Variants in MTX2 observed in about 807,000 individuals in gnomAD.
MTX2 encodes the protein metaxin-2.
Under a neutral mutation model 42.3 loss-of-function variants are expected in MTX2, and 35 were observed. That is an observed-to-expected ratio of 0.83 (90% CI 0.63 to 1.10). MTX2 has a LOEUF of 1.10. MTX2 is among the 50% of genes least tolerant of loss of function. MTX2 has a pLI of 0.00. For synonymous variants in MTX2, 119 were observed against 100.9 expected, an observed-to-expected ratio of 1.18 and a Z score of -1.08; for missense variants, 307 against 304.1, an observed-to-expected ratio of 1.01 and a Z score of -0.07.
rs745746522 is a variant in MTX2, at chr2:176,328,306, G to A, written c.299G>A (p.Ser100Asn). 3.2e-6 allele frequency: 5 copies of A among 1,573,622 alleles called. No individual in the cohort carries two copies. The highest frequency in any genetic ancestry group is 4.3e-6 in the Non-Finnish European group (5 of 1,162,408). Residue 100 changes from serine (S) to asparagine (N), a missense_variant, in exon 6 of 10, where the codon AGT becomes AAT. Physicochemically the swap from Ser to Asn is conservative, Grantham distance 46. Transcript: ENST00000249442. ...AATTCCCTTTAGGGCCATTCTCTTA[G>A]TGATGGGCTGGAGGAAGTCCAAAAA... ...QFVKAKGHSL[S>N]DGLEEVQKAE...
intron 1 of MTX2, among the ~76,000 whole-genome samples, chr2:176,281,197 AAGAT>A (rs1370779417): frequency 6.6e-6 from 1 of 152,104 alleles, no homozygotes; most frequent in East Asian, 1.9e-4. Context: ...GTCTTTTTCT[AAGAT>A]AGGGTTACTT....
chr2:176,279,692 CTATT>C (rs1693033943), intron 1 of MTX2, among the ~76,000 whole-genome samples: 1 of 152,170 alleles, frequency 6.6e-6, no homozygotes, highest in South Asian at 2.1e-4. Flanking sequence ...ATAATGTTAA[CTATT>C]TAAGTGATAA....
At chr2:176,331,894 C>T (rs1377112058) in intron 9 of MTX2, among the ~76,000 whole-genome samples, 1 of 151,216 alleles carries the variant, frequency 6.6e-6, no homozygotes, top group African/African-American at 2.4e-5. Context: ...TTGTTATGCA[C>T]ACTGTCTTTA....
intron 1 of MTX2, among the ~76,000 whole-genome samples, chr2:176,272,609 A>G (rs1212718817): frequency 1.3e-5 from 2 of 152,218 alleles, no homozygotes; most frequent in Admixed American, 6.5e-5. Flanking sequence ...ATGAAGAAGT[A>G]TATCTGTTAA....
chr2:176,331,171 G>T (rs2105447010), intron 9 of MTX2, among the ~76,000 whole-genome samples: 1 of 151,100 alleles, frequency 6.6e-6, no homozygotes, highest in South Asian at 2.1e-4. Flanking sequence ...TTAATATAAA[G>T]GATATAGGTT....
intron 1 of MTX2, among the ~76,000 whole-genome samples, chr2:176,291,433 G>A (rs1479212194): frequency 2.0e-5 from 3 of 152,106 alleles, no homozygotes; most frequent in Non-Finnish European, 4.4e-5. Flanking sequence ...GGATGAAATG[G>A]TAAGCAAAAA....
At chr2:176,293,827 A>G (rs892360439) in intron 1 of MTX2, among the ~76,000 whole-genome samples, 2 of 152,166 alleles carry the variant, frequency 1.3e-5, no homozygotes, top group East Asian at 1.9e-4. Flanking sequence ...CACTTAAGTC[A>G]GTGATATTTA....
chr2:176,310,798 C>G (rs977108961), intron 3 of MTX2, among the ~76,000 whole-genome samples: 3 of 152,188 alleles, frequency 2.0e-5, no homozygotes, highest in Non-Finnish European at 4.4e-5. Context: ...AGCCATTCGT[C>G]TAACCTTTTT....
At chr2:176,275,514 C>T (rs940379169) in intron 1 of MTX2, among the ~76,000 whole-genome samples, 9 of 152,106 alleles carry the variant, frequency 5.9e-5, no homozygotes, top group Non-Finnish European at 1.0e-4. Flanking sequence ...GCTGAGATTA[C>T]AGGTGTGAGC....
chr2:176,269,452 A>C lies in MTX2; in HGVS notation c.-178A>C, dbSNP rs1019439875. On this transcript the variant is annotated 5_prime_UTR_variant, in exon 1 of 10. Coordinates refer to ENST00000249442, the MANE Select transcript of MTX2 (RefSeq NM_006554.5). ...TCGGCTGCGCCGGAAGTCCCTAGCCAGGCCTGGCGGTAACCTTGGGGGCCT... is the reference window on the plus strand; with the variant it reads ...TCGGCTGCGCCGGAAGTCCCTAGCCCGGCCTGGCGGTAACCTTGGGGGCCT... The C allele has an allele frequency of 1.4e-5, 9 of 638,596 alleles. No homozygotes were observed. Among genetic ancestry groups the C allele is most frequent in the Non-Finnish European group, 2.2e-5 (9 of 404,544 alleles). The allele number at this position is 638,596 out of a possible 1,614,324, so 39.6% of individuals were successfully genotyped here.
intron 3 of MTX2, among the ~76,000 whole-genome samples, chr2:176,322,620 A>G (rs1367527195): frequency 6.6e-6 from 1 of 152,008 alleles, no homozygotes; most frequent in Non-Finnish European, 1.5e-5. Context: ...GGCAGAGTTC[A>G]CTGGTGTCTT....
intron 1 of MTX2, chr2:176,270,160 C>T (rs1473690369): frequency 3.0e-6 from 1 of 332,946 alleles, no homozygotes; most frequent in South Asian, 2.6e-5. Flanking sequence ...TGCTAAGACT[C>T]TAGGAGTTAT....
Position 176,313,707 on chromosome 2 carries a change from T to C in MTX2, c.136-9685T>C, listed in dbSNP as rs573501259. Among the ~76,000 whole-genome samples, 11 of 152,220 alleles carry C rather than the reference T, an allele frequency of 7.2e-5. No individual in the cohort carries two copies. In the East Asian group the frequency reaches 1.9e-3, roughly 27 times the overall value. On this transcript the variant is annotated intron_variant, in intron 3 of 9. Transcript: ENST00000249442. The stretch of plus-strand genomic sequence containing the variant: ...TGCACCTGGCCTTATTGTTCTATAC[T>C]GATTCTTAAGACTGATGCAGAGGAT...
At position 176,335,323 on chromosome 2, in the gene MTX2, T is replaced by C. The variant is rs148842745; in HGVS notation, c.621-2170T>C. 2.0e-3 allele frequency among the ~76,000 whole-genome samples: 302 copies of C among 152,132 alleles called. 2 individuals carry two copies. Among genetic ancestry groups the C allele is most frequent in the African/African-American group, 7.1e-3 (294 of 41,520 alleles). ...AGTTTGGGTTGTATGCTATGAATGG[T>C]AGGATATGAGGCTAAAGAGGCAGGC... On this transcript the variant is annotated intron_variant, in intron 9 of 9. Transcript: ENST00000249442.
intron 1 of MTX2, among the ~76,000 whole-genome samples, chr2:176,287,892 GA>G (rs1331704488): frequency 7.9e-5 from 11 of 138,802 alleles, no homozygotes; most frequent in African/African-American, 3.1e-4. Context: ...ATGCAATACT[GA>G]CTGCTTTTTT....
At chr2:176,311,352 G>A (rs368960256) in intron 3 of MTX2, among the ~76,000 whole-genome samples, 5 of 152,170 alleles carry the variant, frequency 3.3e-5, no homozygotes, top group Admixed American at 2.0e-4. Flanking sequence ...TAGGCTACAC[G>A]GGGGTCAGGG....
chr2:176,305,787 C>T (rs534767046), intron 3 of MTX2, among the ~76,000 whole-genome samples: 1 of 152,148 alleles, frequency 6.6e-6, no homozygotes, highest in African/African-American at 2.4e-5. Context: ...TAAGGAAGGT[C>T]AGTCTATGAA....
intron 3 of MTX2, among the ~76,000 whole-genome samples, chr2:176,318,298 C>T (rs1490157546): frequency 6.6e-6 from 1 of 151,834 alleles, no homozygotes; most frequent in African/African-American, 2.4e-5. Context: ...TGATACCTTA[C>T]CCCTTCAAGT....
chr2:176,321,499 A>G (rs1684581848), intron 3 of MTX2, among the ~76,000 whole-genome samples: 1 of 152,108 alleles, frequency 6.6e-6, no homozygotes, highest in African/African-American at 2.4e-5. Context: ...AAGGTAGTTC[A>G]CTTCTCGGAC....
Sources: allele counts gnomAD v4.1 joint callset (sites outside exome capture counted in the v4.1 genomes callset), GRCh38; gene constraint gnomAD v4.1.1; transcripts MANE v1.5; gene names NCBI Gene and HGNC (gene_info 2026-07-23, HGNC 2026-07-21).